Variants in HMCN1 observed in about 807,000 individuals in gnomAD.
HMCN1 encodes the protein hemicentin 1.
HMCN1 carries 321 observed loss-of-function variants against 625.9 expected under a neutral mutation model. The ratio of observed to expected loss-of-function variants is 0.51; its 90% confidence interval spans 0.47 to 0.56. HMCN1 has a LOEUF of 0.56. HMCN1 is among the 20% of genes least tolerant of loss of function. The pLI, the probability that HMCN1 is intolerant of heterozygous loss-of-function variation, is 0.00. For missense variants in HMCN1, 6,588 were observed against 6,887.3 expected, an observed-to-expected ratio of 0.96 and a Z score of 1.54; for synonymous variants, 2,425 against 2,417.6, an observed-to-expected ratio of 1.00 and a Z score of -0.09.
chr1:186,017,145 G>T, intron 33 of HMCN1, 74 bp downstream of exon 33: 1 of 800,320 alleles, frequency 1.2e-6, no homozygotes, highest in Non-Finnish European at 2.3e-6. Flanking sequence ...CTTGAAAGCT[G>T]TTCTGTATCA....
At chr1:185,917,134 G>A (rs796421011) in intron 6 of HMCN1, among the ~76,000 whole-genome samples, 2 of 152,200 alleles carry the variant, frequency 1.3e-5, no homozygotes, top group African/African-American at 4.8e-5. Context: ...AATCAGCTAT[G>A]ATGGGAATAT....
At position 186,039,849 on chromosome 1, in the gene HMCN1, T is replaced by C. The variant is rs115925143; in HGVS notation, c.6150T>C (p.Ser2050=). 869 of 1,613,220 alleles carry C rather than the reference T, an allele frequency of 5.4e-4. 3 individuals are homozygous for C. Among genetic ancestry groups the C allele is most frequent in the East Asian group, 1.2e-3 (54 of 44,808 alleles). ...GTCTGACCTGGTTGAAAGATGGGAG[T>C]CCTGTTTCTAGTTTTTCTAATGGAT... ...APSLTWLKDG[S]PVSSFSNGLQ... is the part of the protein sequence containing the mutation. The change falls in exon 39 of 107, where the codon AGT becomes AGC. Residue 2050 remains serine (S), a synonymous_variant. Coordinates refer to ENST00000271588, the MANE Select transcript of HMCN1 (RefSeq NM_031935.3).
At chr1:185,901,969 ATCCT>A (rs1450404181) in intron 4 of HMCN1, among the ~76,000 whole-genome samples, 1 of 151,818 alleles carries the variant, frequency 6.6e-6, no homozygotes, top group Admixed American at 6.6e-5. Context: ...GTATTTTTAC[ATCCT>A]TCCAGTATAT....
Position 186,016,180 on chromosome 1 carries a change from T to C in HMCN1, c.5132T>C (p.Ile1711Thr), listed in dbSNP as rs142870277. 4.3e-6 allele frequency: 7 copies of C among 1,613,294 alleles called. No individual in the cohort carries two copies. The African/African-American group carries it at 5.3e-5, about 12-fold the overall frequency. The change falls in exon 32 of 107, where the codon ATA (isoleucine) becomes ACA (threonine). Residue 1711 changes from isoleucine (I) to threonine (T), a missense_variant. This residue lies in a region of HMCN1 where 4,628 missense variants were observed against 4,853.1 expected (regional missense o/e 0.95). Coordinates refer to ENST00000271588, the MANE Select transcript of HMCN1 (RefSeq NM_031935.3). Reference sequence around the variant, plus strand: ...CAAGAAATTGATCGAGGACAGTACATATGCGTGGCTACCAGTGTGGCAGGA... The same window carrying C: ...CAAGAAATTGATCGAGGACAGTACACATGCGTGGCTACCAGTGTGGCAGGA... Reference protein sequence around the residue: ...SAQEIDRGQYICVATSVAGEK... With the variant: ...SAQEIDRGQYTCVATSVAGEK...
intron 42 of HMCN1, among the ~76,000 whole-genome samples, chr1:186,051,707 G>A (rs1348241561): frequency 1.3e-5 from 2 of 152,042 alleles, no homozygotes; most frequent in Non-Finnish European, 2.9e-5. Flanking sequence ...AAGGTATAAG[G>A]TAGTTGAGAA....
chr1:185,893,263 C>T (rs1466388004), intron 4 of HMCN1, among the ~76,000 whole-genome samples: 2 of 152,190 alleles, frequency 1.3e-5, no homozygotes, highest in East Asian at 3.9e-4. Context: ...GCAGAAATCA[C>T]CCATCTTCTG....
chr1:185,875,398 A>G (rs1014711411), intron 4 of HMCN1, among the ~76,000 whole-genome samples: 5 of 152,176 alleles, frequency 3.3e-5, no homozygotes, highest in African/African-American at 1.2e-4. Flanking sequence ...CATAGATATG[A>G]TGTCTCAAGA....
rs776501578 is a variant in HMCN1, at chr1:186,015,344, C to T, written c.4816C>T (p.Pro1606Ser). 5 of 1,613,714 alleles carry T rather than the reference C, an allele frequency of 3.1e-6. No homozygotes were observed. Among genetic ancestry groups the T allele is most frequent in the African/African-American group, 1.3e-5 (1 of 75,018 alleles). Reference sequence around the variant, plus strand: ...TGATAAAGGACAATATCTTCATATTCCTCGAGCACAGGTCTCTGATTCAGC... The same window carrying T: ...TGATAAAGGACAATATCTTCATATTTCTCGAGCACAGGTCTCTGATTCAGC... ...YIDKGQYLHI[P>S]RAQVSDSATY... Residue 1606 changes from proline to serine, a missense_variant, in exon 31 of 107, where the codon CCT becomes TCT. By Grantham distance (74) the Pro-to-Ser change is moderately conservative. Around this residue, in one of 3 missense-constraint regions of HMCN1, gnomAD observed 4,628 missense variants for 4,853.1 expected, o/e 0.95. Coordinates refer to ENST00000271588, the MANE Select transcript of HMCN1 (RefSeq NM_031935.3).
chr1:185,859,443 A>G (rs1020602489), intron 2 of HMCN1, among the ~76,000 whole-genome samples: 1 of 152,204 alleles, frequency 6.6e-6, no homozygotes, highest in Non-Finnish European at 1.5e-5. Flanking sequence ...TAATCTATTT[A>G]CTTAACTGAA....
At position 185,971,465 on chromosome 1, in the gene HMCN1, C is replaced by A. The variant is rs139383109; in HGVS notation, c.2371+972C>A. 7.7e-3 allele frequency among the ~76,000 whole-genome samples: 1,175 copies of A among 152,174 alleles called. 10 individuals are homozygous for A. Among genetic ancestry groups the A allele is most frequent in the Non-Finnish European group, 0.012 (845 of 68,008 alleles). On this transcript the variant is annotated intron_variant, in intron 15 of 106. Transcript: ENST00000271588. ...GAGTTCAGTTTGTATGAAATAGAAC[C>A]TGGCATTTAATTTTTAAGATAATTT...
At chr1:186,085,562 A>T (rs567124746) in intron 57 of HMCN1, among the ~76,000 whole-genome samples, 148 of 152,188 alleles carry the variant, frequency 9.7e-4, no homozygotes, top group Non-Finnish European at 1.4e-3. Context: ...CAACACATGA[A>T]TTTGCGGGGA....
intron 28 of HMCN1, among the ~76,000 whole-genome samples, chr1:186,002,492 CA>C (rs1371271737): frequency 1.3e-5 from 2 of 152,030 alleles, no homozygotes; most frequent in Non-Finnish European, 2.9e-5. Context: ...TTAGGCTTCT[CA>C]AAGCCTGAAA....
intron 1 of HMCN1, among the ~76,000 whole-genome samples, chr1:185,804,751 A>C (rs1047099463): frequency 6.6e-6 from 1 of 151,992 alleles, no homozygotes; most frequent in Non-Finnish European, 1.5e-5. Flanking sequence ...ATTCCGCAGA[A>C]ATTCTTATTT....
intron 71 of HMCN1, among the ~76,000 whole-genome samples, chr1:186,109,299 T>C (rs1481148133): frequency 6.6e-6 from 1 of 152,184 alleles, no homozygotes; most frequent in Non-Finnish European, 1.5e-5. Context: ...ACCTAAGACA[T>C]AAAGACTACC....
In HMCN1 at chr1:185,800,013, A is replaced by T. The variant is rs543151280; in HGVS notation, c.269-46013A>T. On this transcript the variant is annotated intron_variant, in intron 1 of 106. Coordinates refer to ENST00000271588, the MANE Select transcript of HMCN1 (RefSeq NM_031935.3). ...CAAGTACCAGCCCTGATGGGGTCAGAAGGCAGTTCTCAGGCTACTGGGGCA... is the reference window on the plus strand; with the variant it reads ...CAAGTACCAGCCCTGATGGGGTCAGTAGGCAGTTCTCAGGCTACTGGGGCA... Among the ~76,000 whole-genome samples, 10 of 152,262 alleles carry T rather than the reference A, an allele frequency of 6.6e-5. No individual in the cohort carries two copies. The East Asian group carries it at 1.9e-3, about 29-fold the overall frequency.
chr1:185,804,339 A>C (rs1156242375), intron 1 of HMCN1, among the ~76,000 whole-genome samples: 1 of 150,216 alleles, frequency 6.7e-6, no homozygotes, highest in Admixed American at 6.6e-5. Context: ...AGTCATCATG[A>C]TTCTAGTGTT....
rs531557438 is a variant in HMCN1 at position 186,047,085 on chromosome 1, C to T, written c.6480+1222C>T. 2.6e-5 allele frequency among the ~76,000 whole-genome samples: 4 copies of T among 152,170 alleles called. No individual in the cohort carries two copies. In the South Asian group the frequency reaches 8.3e-4, roughly 32 times the overall value. On this transcript the variant is annotated intron_variant, in intron 41 of 106. Transcript: ENST00000271588. Reference sequence around the variant, plus strand: ...AGATGACGGGCAGTAAGCTGGGCAGCTTACCCAAGGAAGACAGAAGCATGG... The same window carrying T: ...AGATGACGGGCAGTAAGCTGGGCAGTTTACCCAAGGAAGACAGAAGCATGG...
At chr1:185,823,178 G>T (rs1273470906) in intron 1 of HMCN1, among the ~76,000 whole-genome samples, 1 of 143,020 alleles carries the variant, frequency 7.0e-6, no homozygotes, top group Non-Finnish European at 1.5e-5. Context: ...AACTCCTACT[G>T]ACTATTAAAT....
At chr1:185,989,035 T>A (rs1652200630) in intron 20 of HMCN1, among the ~76,000 whole-genome samples, 1 of 133,594 alleles carries the variant, frequency 7.5e-6, no homozygotes. Flanking sequence ...TGAGATGGAG[T>A]CTCGCTCTGT....
Sources: gnomAD v4.1 joint callset for allele counts (sites outside exome capture counted in the v4.1 genomes callset) on GRCh38, gnomAD v4.1.1 for gene constraint, gnomAD v4.1.1 regional missense constraint, MANE v1.5 for transcripts, NCBI Gene and HGNC (gene_info 2026-07-23, HGNC 2026-07-21) for gene names.